Variants in COQ6 observed in about 807,000 individuals in gnomAD.
COQ6 encodes the protein ubiquinone biosynthesis monooxygenase COQ6, mitochondrial.
In COQ6, 45 loss-of-function variants were observed where a neutral mutation model predicts 55.5. The observed-to-expected ratio is 0.81, with a 90% CI of 0.64 to 1.04. The LOEUF (loss-of-function observed/expected upper bound fraction) is 1.04. Ranked by LOEUF, COQ6 falls within the 50% of genes least tolerant of loss-of-function variation. COQ6 has a pLI of 0.00. For synonymous variants in COQ6, 206 were observed against 230.5 expected (o/e 0.89, Z 0.96); for missense variants, 550 against 601.3 (o/e 0.91, Z 0.89).
intron 2 of COQ6, 138 bp from the exon 3 acceptor site, chr14:73,955,313 C>T (rs1312394200): frequency 1.3e-6 from 1 of 752,368 alleles, no homozygotes; most frequent in Non-Finnish European, 2.4e-6. Context: ...AGCTTAGGTA[C>T]TAACATCAAA....
chr14:73,961,016 CT>C, intron 8 of COQ6, 156 bp from the exon 9 acceptor site: 2 of 848,600 alleles, frequency 2.4e-6, no homozygotes, highest in Admixed American at 2.0e-5. Context: ...TGAGAAGTTG[CT>C]TTGCACTTGA....
At chr14:73,958,851 G>T in intron 5 of COQ6, 120 bp from the exon 6 acceptor site, 2 of 1,546,844 alleles carry the variant, frequency 1.3e-6, no homozygotes, top group Non-Finnish European at 1.7e-6. Flanking sequence ...AAGCAGGCCT[G>T]ATGGAATTAT....
upstream of COQ6, chr14:73,949,941 T>A (rs199702211): frequency 1.2e-4 from 196 of 1,611,442 alleles, no homozygotes; most frequent in Non-Finnish European, 2.2e-5. Context: ...CCGGGATTCC[T>A]TTCCCGGGGG....
At chr14:73,950,619 C>A in intron 1 of COQ6, 124 bp downstream of exon 1, 1 of 1,411,330 alleles carries the variant, frequency 7.1e-7, no homozygotes, top group Non-Finnish European at 9.4e-7. Flanking sequence ...CTTCTCCCCT[C>A]CCCTCCTAGA....
At position 73,961,274 on chromosome 14, in the gene COQ6, G is replaced by GC; in HGVS notation, c.998dup (p.Ser334LysfsTer22). ...CCACTAAGGTCTCGGCTCGCCAGCT[G>GC]CCCCCAAGCGTAGCCAGGGTGGATG... On this transcript the variant is annotated frameshift_variant, in exon 9 of 12. Transcript: ENST00000334571. LOFTEE classifies it high-confidence loss of function. 6.2e-7 allele frequency: 1 copy of GC among 1,614,158 alleles called. No homozygotes were observed. The highest frequency in any genetic ancestry group is 8.5e-7 in the Non-Finnish European group (1 of 1,180,022).
intron 3 of COQ6, 129 bp from the exon 4 acceptor site, chr14:73,955,676 A>G (rs1048154129): frequency 2.0e-6 from 3 of 1,483,056 alleles, no homozygotes. Flanking sequence ...TTCTCATTTT[A>G]TATTTTCCTA....
At chr14:73,950,680 G>A in intron 1 of COQ6, 185 bp downstream of exon 1, 1 of 866,210 alleles carries the variant, frequency 1.2e-6, no homozygotes, top group South Asian at 1.8e-5. Flanking sequence ...GTCCATTAGG[G>A]TCAAAAGTGG....
chr14:73,955,515 C>A lies in COQ6; in HGVS notation c.357+6C>A. ...GAGCCTTTCGGCGAATGCAGGTGCCCCTTTATCTTTTCAATTTTGTCAAGA... is the reference window on the plus strand; with the variant it reads ...GAGCCTTTCGGCGAATGCAGGTGCCACTTTATCTTTTCAATTTTGTCAAGA... On this transcript the variant is annotated splice_donor_region_variant and intron_variant, in intron 3 of 11. Transcript: ENST00000334571. 3.7e-6 allele frequency: 6 copies of A among 1,613,426 alleles called. No individual in the cohort carries two copies. The highest frequency in any genetic ancestry group is 5.1e-6 in the Non-Finnish European group (6 of 1,179,420).
intron 9 of COQ6, 30 bp from the exon 10 acceptor site, chr14:73,961,425 G>A (rs2056728989): frequency 1.9e-6 from 3 of 1,614,190 alleles, no homozygotes; most frequent in Non-Finnish European, 2.5e-6. Flanking sequence ...TGCTGCCAGA[G>A]GTCACACCTG....
chr14:73,958,057 G>A (rs1056664879), intron 4 of COQ6, 90 bp from the exon 5 acceptor site: 5 of 1,005,644 alleles, frequency 5.0e-6, no homozygotes, highest in Non-Finnish European at 6.4e-6. Context: ...CTGCTGTCCT[G>A]GGACCTTGCT....
upstream of COQ6, chr14:73,950,207 T>C (rs1256244660): frequency 1.3e-6 from 2 of 1,544,410 alleles, no homozygotes; most frequent in Admixed American, 1.9e-5. Context: ...GCCTATTTTC[T>C]CCGCGCATTT....
Position 73,961,737 on chromosome 14 carries a change from G to C in COQ6, c.1211G>C (p.Gly404Ala). The change falls in exon 11 of 12, where the codon GGT (glycine) becomes GCT (alanine). Residue 404 changes from glycine to alanine, a missense_variant and splice_region_variant. Gly to Ala is a moderately conservative substitution (Grantham distance 60, BLOSUM62 0). Coordinates refer to ENST00000334571, the MANE Select transcript of COQ6 (RefSeq NM_182476.3). ...STAAFNGKDL[G>A]SVSHLTGYET... ...ATTTAATCTTTCCTCTGCCCTTCAGGTTCCGTGAGCCACCTCACAGGTTAT... is the reference window on the plus strand; with the variant it reads ...ATTTAATCTTTCCTCTGCCCTTCAGCTTCCGTGAGCCACCTCACAGGTTAT... 1 of 1,614,084 alleles carries C rather than the reference G, an allele frequency of 6.2e-7. No individual in the cohort carries two copies. Among genetic ancestry groups the C allele is most frequent in the Admixed American group, 1.7e-5 (1 of 60,012 alleles).
At position 73,961,284 on chromosome 14, in the gene COQ6, G is replaced by A. The variant is rs147444011; in HGVS notation, c.1003G>A (p.Val335Ile). The change falls in exon 9 of 12, where the codon GTA (valine) becomes ATA (isoleucine). Residue 335 changes from valine to isoleucine, a missense_variant. Transcript: ENST00000334571. ...KVSARQLPPS[V>I]ARVDAKSRVL... The stretch of plus-strand genomic sequence containing the variant: ...CTCGGCTCGCCAGCTGCCCCCAAGC[G>A]TAGCCAGGGTGGATGCCAAAAGCCG... 2.0e-5 allele frequency: 33 copies of A among 1,614,162 alleles called. No homozygotes were observed. The highest frequency in any genetic ancestry group is 1.6e-4 in the Middle Eastern group (1 of 6,062).
At chr14:73,952,163 C>A (rs1367119085) in intron 1 of COQ6, among the ~76,000 whole-genome samples, 2 of 132,138 alleles carry the variant, frequency 1.5e-5, no homozygotes, top group Non-Finnish European at 3.2e-5. Flanking sequence ...TGCTCTGTCA[C>A]CCAGGCTGGA....
intron 2 of COQ6, among the ~76,000 whole-genome samples, chr14:73,954,936 CT>C (rs35787543): frequency 2.5e-4 from 32 of 126,152 alleles, no homozygotes; most frequent in East Asian, 1.2e-3. Flanking sequence ...GAAGCTGAGT[CT>C]TTTTTTTTTT....
chr14:73,961,129 T>TA (rs1189188365), intron 8 of COQ6, 44 bp from the exon 9 acceptor site: 1 of 1,594,806 alleles, frequency 6.3e-7, no homozygotes, highest in African/African-American at 1.3e-5. Context: ...AATTCCCTGC[T>TA]ACTCACATTT....
intron 4 of COQ6, chr14:73,956,354 G>C (rs2056439300): frequency 5.0e-6 from 1 of 201,770 alleles, no homozygotes; most frequent in Admixed American, 5.2e-5. Context: ...TTCCTCTGAT[G>C]ATTATTTCAC....
chr14:73,960,007 A>G, intron 8 of COQ6: 2 of 1,029,008 alleles, frequency 1.9e-6, no homozygotes, highest in Non-Finnish European at 2.3e-6. Flanking sequence ...ATAAATAATA[A>G]CCTTTTGAGG....
At chr14:73,951,203 C>T (rs1246344195) in intron 1 of COQ6, among the ~76,000 whole-genome samples, 1 of 152,088 alleles carries the variant, frequency 6.6e-6, no homozygotes, top group East Asian at 1.9e-4. Flanking sequence ...ACTATGTTGC[C>T]CAGGCTGGTC....
Sources: gnomAD v4.1 joint callset for allele counts (sites outside exome capture counted in the v4.1 genomes callset) on GRCh38, gnomAD v4.1.1 for gene constraint, MANE v1.5 for transcripts, NCBI Gene and HGNC (gene_info 2026-07-23, HGNC 2026-07-21) for gene names.